Variants in ASXL1 observed in about 807,000 individuals in gnomAD.
ASXL1 encodes polycomb group protein ASXL1.
In ASXL1, 65 loss-of-function variants were observed where a neutral mutation model predicts 89.1. The ratio of observed to expected loss-of-function variants is 0.73; its 90% confidence interval spans 0.60 to 0.90. ASXL1 has a LOEUF of 0.90. Ranked by LOEUF, ASXL1 falls within the 40% of genes least tolerant of loss-of-function variation. The pLI is 0.00. For synonymous variants in ASXL1, 739 were observed against 746.9 expected, an observed-to-expected ratio of 0.99 and a Z score of 0.17; for missense variants, 1,786 against 1,942.9, an observed-to-expected ratio of 0.92 and a Z score of 1.52.
At chr20:32,378,507 C>T (rs1388093431) in intron 4 of ASXL1, among the ~76,000 whole-genome samples, 1 of 152,118 alleles carries the variant, frequency 6.6e-6, no homozygotes. Context: ...AGCTAGTCCT[C>T]AGTGGTGGGA....
At chr20:32,418,421 G>T (rs1393931196) in intron 4 of ASXL1, among the ~76,000 whole-genome samples, 1 of 152,128 alleles carries the variant, frequency 6.6e-6, no homozygotes, top group African/African-American at 2.4e-5. Context: ...GTTAAATTTT[G>T]TAAGCCATTG....
chr20:32,366,524 A>C, intron 2 of ASXL1, 58 bp downstream of exon 2: 2 of 1,612,706 alleles, frequency 1.2e-6, no homozygotes, highest in Non-Finnish European at 1.7e-6. Context: ...GTCTTTCTGT[A>C]GTTGTAGTGA....
chr20:32,365,157 T>C (rs887601448), intron 1 of ASXL1, among the ~76,000 whole-genome samples: 10 of 152,170 alleles, frequency 6.6e-5, no homozygotes, highest in African/African-American at 2.4e-4. Flanking sequence ...GTATAGTCAG[T>C]ACACAACTGA....
At chr20:32,390,212 A>C (rs2048647704) in intron 4 of ASXL1, among the ~76,000 whole-genome samples, 1 of 152,238 alleles carries the variant, frequency 6.6e-6, no homozygotes, top group Non-Finnish European at 1.5e-5. Context: ...AAAGTGTTGA[A>C]TATCTTATAT....
intron 4 of ASXL1, among the ~76,000 whole-genome samples, chr20:32,411,385 G>A (rs945593220): frequency 6.7e-6 from 1 of 149,880 alleles, no homozygotes; most frequent in Non-Finnish European, 1.5e-5. Flanking sequence ...CTGCCACCAT[G>A]CCCGGCTAAT....
At chr20:32,431,908 T>C (rs141325355) in intron 10 of ASXL1, among the ~76,000 whole-genome samples, 67 of 152,358 alleles carry the variant, frequency 4.4e-4, no homozygotes, top group Admixed American at 7.8e-4. Context: ...ATGTACTCAT[T>C]CATCATCTCC....
intron 4 of ASXL1, among the ~76,000 whole-genome samples, chr20:32,381,148 T>C (rs968277557): frequency 2.6e-5 from 4 of 152,190 alleles, no homozygotes; most frequent in African/African-American, 4.8e-5. Context: ...TAATAAATAT[T>C]GGCTGCATGC....
At position 32,429,057 on chromosome 20, in the gene ASXL1, G is replaced by GA; in HGVS notation, c.472-279dup. 1 of 440,516 alleles carries GA rather than the reference G, an allele frequency of 2.3e-6. No individual in the cohort carries two copies. Among genetic ancestry groups the GA allele is most frequent in the Non-Finnish European group, 4.2e-6 (1 of 236,354 alleles). 27.3% of individuals were successfully genotyped at this position (440,516 alleles called of 1,614,324 possible). A position where few individuals can be genotyped will look rare whatever the true frequency, so the allele number is the denominator to read the frequency against. On this transcript the variant is annotated intron_variant, in intron 6 of 12. Transcript: ENST00000375687. The surrounding 1 kb of genome is among the most constrained non-coding windows in gnomAD (Gnocchi z 4.9). Reference sequence around the variant, plus strand: ...ACAGGAGATTGGGAGTGAGCAGTTTGAATGATAACCCTGCACTTACTAGCC... The same window carrying GA: ...ACAGGAGATTGGGAGTGAGCAGTTTGAAATGATAACCCTGCACTTACTAGCC...
chr20:32,421,583 T>A (rs1250747518), intron 4 of ASXL1, among the ~76,000 whole-genome samples: 1 of 152,156 alleles, frequency 6.6e-6, no homozygotes, highest in Non-Finnish European at 1.5e-5. Flanking sequence ...ATAGCTTTAT[T>A]CATAATAGCT....
At chr20:32,410,054 T>C (rs1036378861) in intron 4 of ASXL1, among the ~76,000 whole-genome samples, 13 of 152,312 alleles carry the variant, frequency 8.5e-5, no homozygotes, top group African/African-American at 3.1e-4. Flanking sequence ...CCTCAGTACA[T>C]TTTATCAGGA....
intron 4 of ASXL1, among the ~76,000 whole-genome samples, chr20:32,404,278 C>G (rs958173668): frequency 6.6e-6 from 1 of 152,120 alleles, no homozygotes; most frequent in Non-Finnish European, 1.5e-5. Context: ...TCTTTCTGTG[C>G]CTCTTCCTTT....
chr20:32,429,596 C>T lies in ASXL1; in HGVS notation c.565+165C>T, dbSNP rs2123218935. 1.2e-6 allele frequency: 1 copy of T among 806,620 alleles called. No homozygotes were observed. The highest frequency in any genetic ancestry group is 3.5e-4 in the Middle Eastern group (1 of 2,878). 50.0% of individuals were successfully genotyped at this position (806,620 alleles called of 1,614,324 possible). On this transcript the variant is annotated intron_variant, in intron 7 of 12. Coordinates refer to ENST00000375687, the MANE Select transcript of ASXL1 (RefSeq NM_015338.6). This position sits in a 1 kb window ranked among gnomAD's most constrained non-coding sequence, Gnocchi z 4.9. ...GCCTGCCATAGGTTCTAGTGCTGGG[C>T]TCTGCTGTGTGCCTTCCTCTTTGTC...
At chr20:32,395,969 T>C (rs1397988254) in intron 4 of ASXL1, among the ~76,000 whole-genome samples, 1 of 152,076 alleles carries the variant, frequency 6.6e-6, no homozygotes, top group Non-Finnish European at 1.5e-5. Context: ...TGGCTAGTTT[T>C]TGTATTTTTA....
At chr20:32,372,082 A>G in intron 4 of ASXL1, 1 of 1,336,142 alleles carries the variant, frequency 7.5e-7, no homozygotes, top group South Asian at 1.2e-5. Context: ...TTGTGTTTGT[A>G]ATTTGGCTCT....
intron 4 of ASXL1, among the ~76,000 whole-genome samples, chr20:32,390,135 A>C (rs1294826121): frequency 6.6e-6 from 1 of 152,200 alleles, no homozygotes; most frequent in Non-Finnish European, 1.5e-5. Context: ...GCCTACCTTA[A>C]ATGCACTTAG....
intron 4 of ASXL1, among the ~76,000 whole-genome samples, chr20:32,382,918 G>C (rs1175184384): frequency 6.6e-6 from 1 of 152,092 alleles, no homozygotes; most frequent in Non-Finnish European, 1.5e-5. Flanking sequence ...TTTTAGTGAG[G>C]GAGGAGCTCT....
chr20:32,435,033 G>T lies in ASXL1; in HGVS notation c.2321G>T (p.Arg774Ile). The change falls in exon 13 of 13, where the codon AGA becomes ATA. Residue 774 changes from arginine (R) to isoleucine (I), a missense_variant. Physicochemically the swap from Arg to Ile is moderately conservative, Grantham distance 97 (BLOSUM62 -3). This residue lies in a region of ASXL1 where 1,418 missense variants were observed against 1,427.8 expected (regional missense o/e 0.99). Transcript: ENST00000375687. ...LLSSQTSVAE[R>I]LVEQPQLHPD... ...TCCTCCCAAACCTCAGTAGCTGAGA[G>T]ATTAGTGGAGCAGCCTCAGTTGCAT... 1 of 1,614,216 alleles carries T rather than the reference G, an allele frequency of 6.2e-7. No homozygotes were observed. Among genetic ancestry groups the T allele is most frequent in the East Asian group, 2.2e-5 (1 of 44,872 alleles).
At chr20:32,386,875 C>T (rs1569267023) in intron 4 of ASXL1, among the ~76,000 whole-genome samples, 2 of 146,384 alleles carry the variant, frequency 1.4e-5, no homozygotes, top group South Asian at 2.1e-4. Flanking sequence ...GGTCTTTTCT[C>T]GCCCTTTGTG....
At chr20:32,421,820 T>A (rs2123167715) in intron 4 of ASXL1, among the ~76,000 whole-genome samples, 1 of 151,378 alleles carries the variant, frequency 6.6e-6, no homozygotes, top group Non-Finnish European at 1.5e-5. Flanking sequence ...GAGATAGAAG[T>A]CAGAACAATG....
Sources: gnomAD v4.1 joint callset for allele counts (sites outside exome capture counted in the v4.1 genomes callset) on GRCh38, gnomAD v4.1.1 for gene constraint, gnomAD v4.1.1 regional missense constraint, Gnocchi (gnomAD v3.1) non-coding constraint, MANE v1.5 for transcripts, NCBI Gene and HGNC (gene_info 2026-07-23, HGNC 2026-07-21) for gene names.